The following SIPA1L3 variants were observed in gnomAD, a reference collection of about 807,000 sequenced individuals.
SIPA1L3 encodes the protein signal-induced proliferation-associated 1-like protein 3.
In SIPA1L3, 59 loss-of-function variants were observed where a neutral mutation model predicts 150.1. The ratio of observed to expected loss-of-function variants is 0.39; its 90% CI spans 0.32 to 0.49. The LOEUF (loss-of-function observed/expected upper bound fraction) is 0.49. Ranked by LOEUF, SIPA1L3 falls within the 20% of genes least tolerant of loss-of-function variation. The probability of loss-of-function intolerance (pLI) is 0.86; values close to 1 mark genes in which losing one functional copy is unlikely to be tolerated. For missense variants in SIPA1L3, 2,211 were observed against 2,489.5 expected (o/e 0.89, Z 2.38); for synonymous variants, 1,070 against 1,077.6 (o/e 0.99, Z 0.14).
chr19:37,973,562 G>GGGC (rs1555772357), intron 1 of SIPA1L3, among the ~76,000 whole-genome samples: 1 of 142,314 alleles, frequency 7.0e-6, no homozygotes, highest in African/African-American at 2.8e-5. Context: ...AAAGCGGGAG[G>GGGC]GGGGCGCATC....
At chr19:38,122,733 T>C (rs548770626) in intron 9 of SIPA1L3, among the ~76,000 whole-genome samples, 2 of 152,324 alleles carry the variant, frequency 1.3e-5, no homozygotes, top group East Asian at 1.9e-4. Context: ...TGAAGACCTC[T>C]GAGGTTTCAT....
chr19:38,159,120 C>A (rs937821021), intron 13 of SIPA1L3, among the ~76,000 whole-genome samples: 2 of 152,200 alleles, frequency 1.3e-5, no homozygotes, highest in African/African-American at 4.8e-5. Flanking sequence ...AGCAGGTGGA[C>A]AAAGAGGCCA....
intron 1 of SIPA1L3, among the ~76,000 whole-genome samples, chr19:37,961,461 T>C (rs964542004): frequency 8.5e-5 from 13 of 152,190 alleles, no homozygotes; most frequent in African/African-American, 2.4e-4. Flanking sequence ...TCATTTGTAC[T>C]GATGCTCCCT....
intron 14 of SIPA1L3, among the ~76,000 whole-genome samples, chr19:38,163,384 G>T (rs1972134604): frequency 6.6e-6 from 1 of 151,842 alleles, no homozygotes; most frequent in African/African-American, 2.4e-5. Flanking sequence ...CAGCTCCTTG[G>T]GAGGCTGAGG....
At chr19:37,960,820 C>T (rs2046851349) in intron 1 of SIPA1L3, among the ~76,000 whole-genome samples, 1 of 151,894 alleles carries the variant, frequency 6.6e-6, no homozygotes, top group Non-Finnish European at 1.5e-5. Flanking sequence ...TCCCAAAGTA[C>T]TGGGATTACA....
At chr19:37,955,165 G>T (rs1313075279) in intron 1 of SIPA1L3, among the ~76,000 whole-genome samples, 3 of 151,718 alleles carry the variant, frequency 2.0e-5, no homozygotes, top group Non-Finnish European at 4.4e-5. Context: ...GCCGAGGTGG[G>T]TAGATCACCT....
chr19:37,937,036 ATTTG>A (rs932504387), intron 1 of SIPA1L3, among the ~76,000 whole-genome samples: 20 of 151,910 alleles, frequency 1.3e-4, no homozygotes, highest in African/African-American at 3.9e-4. Flanking sequence ...AATTTTTTTC[ATTTG>A]TTTGTAGAGA....
rs796255273 is a variant in SIPA1L3 at position 38,177,177 on chromosome 19, C to T, written c.4209-5342C>T. Among the ~76,000 whole-genome samples the T allele has an allele frequency of 1.8e-4, 28 of 151,574 alleles. No individual in the cohort carries two copies. The East Asian group carries it at 2.2e-3, about 12-fold the overall frequency. ...GAGATCGAGACCACCCTGGCTAACA[C>T]GGTGAAACCCCATCTCTACCAAAAA... On this transcript the variant is annotated intron_variant, in intron 15 of 21. Transcript: ENST00000222345.
intron 9 of SIPA1L3, among the ~76,000 whole-genome samples, chr19:38,125,788 C>T (rs754552000): frequency 2.0e-5 from 3 of 152,218 alleles, no homozygotes; most frequent in South Asian, 4.1e-4. Flanking sequence ...TTGTTATGCG[C>T]CTGGCCTTGG....
chr19:38,094,793 G>T (rs894332038), intron 4 of SIPA1L3, among the ~76,000 whole-genome samples: 1 of 152,090 alleles, frequency 6.6e-6, no homozygotes, highest in African/African-American at 2.4e-5. Flanking sequence ...ATTGCCAGGC[G>T]TGGTAGCTCA....
chr19:38,130,863 A>C, intron 10 of SIPA1L3, 91 bp downstream of exon 10: 2 of 1,392,792 alleles, frequency 1.4e-6, no homozygotes, highest in Non-Finnish European at 2.0e-6. Flanking sequence ...TGAGGTCCCA[A>C]TAGAGGGGGG....
chr19:37,909,743 G>C (rs181826910), intron 1 of SIPA1L3, among the ~76,000 whole-genome samples: 7 of 152,034 alleles, frequency 4.6e-5, no homozygotes, highest in Non-Finnish European at 1.0e-4. Context: ...AGAATATCCC[G>C]TGTGGGAGGG....
chr19:37,957,941 C>G (rs2046825582), intron 1 of SIPA1L3, among the ~76,000 whole-genome samples: 1 of 151,926 alleles, frequency 6.6e-6, no homozygotes, highest in Non-Finnish European at 1.5e-5. Flanking sequence ...CTTGAACTCC[C>G]AGGCCCAAAC....
At chr19:38,118,604 G>T (rs2145893242) in intron 8 of SIPA1L3, among the ~76,000 whole-genome samples, 1 of 151,718 alleles carries the variant, frequency 6.6e-6, no homozygotes, top group Middle Eastern at 3.4e-3. Flanking sequence ...CGCCATCTTG[G>T]CTCACTGCAA....
intron 1 of SIPA1L3, among the ~76,000 whole-genome samples, chr19:37,939,326 A>G (rs569584128): frequency 6.8e-6 from 1 of 146,342 alleles, no homozygotes; most frequent in East Asian, 2.0e-4. Flanking sequence ...GCTTGAATCC[A>G]GGAGGCGGAG....
At chr19:38,134,661 C>T (rs1465574727) in intron 10 of SIPA1L3, among the ~76,000 whole-genome samples, 2 of 137,922 alleles carry the variant, frequency 1.5e-5, no homozygotes, top group Non-Finnish European at 1.5e-5. Flanking sequence ...GAGCCGATTG[C>T]ACCACTGCAC....
intron 16 of SIPA1L3, among the ~76,000 whole-genome samples, chr19:38,190,567 C>G (rs189519369): frequency 3.9e-5 from 6 of 152,284 alleles, no homozygotes; most frequent in Non-Finnish European, 5.9e-5. Context: ...AAAAGGAAAT[C>G]CAGTCTTTAA....
chr19:38,019,604 C>G (rs1319622433), intron 1 of SIPA1L3, among the ~76,000 whole-genome samples: 1 of 152,166 alleles, frequency 6.6e-6, no homozygotes, highest in African/African-American at 2.4e-5. Context: ...GGAGTTGATA[C>G]ATTTCCTGCC....
chr19:38,108,825 A>G (rs1191471025), intron 7 of SIPA1L3: 1 of 152,224 alleles, frequency 6.6e-6, no homozygotes, highest in Non-Finnish European at 1.5e-5. Context: ...CCCTGTCTCT[A>G]CTAAAAATAC....
Sources: gnomAD v4.1 joint callset for allele counts (sites outside exome capture counted in the v4.1 genomes callset) on GRCh38, gnomAD v4.1.1 for gene constraint, MANE v1.5 for transcripts, NCBI Gene and HGNC (gene_info 2026-07-23, HGNC 2026-07-21) for gene names.